The following TRPM3 variants were observed in gnomAD, a reference collection of about 807,000 sequenced individuals.
TRPM3 encodes the protein long transient receptor potential channel 3.
A neutral mutation model predicts 181.2 loss-of-function variants in TRPM3; 77 were observed. That is an observed-to-expected ratio of 0.42 (90% CI 0.35 to 0.51). The LOEUF is 0.51. Ranked by LOEUF, TRPM3 falls within the 20% of genes least tolerant of loss-of-function variation. The probability of loss-of-function intolerance (pLI) is 0.01; values close to 1 mark genes in which losing one functional copy is unlikely to be tolerated. For synonymous variants in TRPM3, 745 were observed against 796.4 expected (o/e 0.94, Z 1.09); for missense variants, 1,759 against 2,196.7 (o/e 0.80, Z 3.98).
intron 1 of TRPM3, among the ~76,000 whole-genome samples, chr9:71,149,696 G>A (rs2075623291): frequency 1.3e-5 from 2 of 152,118 alleles, no homozygotes; most frequent in South Asian, 4.1e-4. Flanking sequence ...AAAAAAGCCT[G>A]GGCATAATGT....
intron 7 of TRPM3, among the ~76,000 whole-genome samples, chr9:70,769,033 G>T (rs2079687702): frequency 6.6e-6 from 1 of 152,114 alleles, no homozygotes; most frequent in South Asian, 2.1e-4. Context: ...CCAACAGACT[G>T]CTAATTGGTT....
At chr9:70,563,871 A>T (rs1400977030) in intron 22 of TRPM3, among the ~76,000 whole-genome samples, 1 of 152,236 alleles carries the variant, frequency 6.6e-6, no homozygotes, top group Non-Finnish European at 1.5e-5. Context: ...GTTCCCAGTC[A>T]GCTCACGCAT....
At chr9:70,586,952 T>C (rs943357987) in intron 22 of TRPM3, among the ~76,000 whole-genome samples, 4 of 152,032 alleles carry the variant, frequency 2.6e-5, no homozygotes, top group African/African-American at 9.7e-5. Context: ...AAACAACACT[T>C]TAAATTCAGT....
chr9:71,336,456 CACAA>C (rs578088360), intron 1 of TRPM3, among the ~76,000 whole-genome samples: 10 of 152,078 alleles, frequency 6.6e-5, no homozygotes, highest in Non-Finnish European at 1.2e-4. Flanking sequence ...TAAGAGAGGA[CACAA>C]ACAAATGGAA....
At chr9:71,443,014 T>A (rs2094154430) in intron 1 of TRPM3, among the ~76,000 whole-genome samples, 1 of 152,228 alleles carries the variant, frequency 6.6e-6, no homozygotes, top group Admixed American at 6.5e-5. Context: ...ATCCAGAAAC[T>A]TAATTTGATA....
chr9:71,000,411 T>C (rs1240977392), intron 1 of TRPM3, among the ~76,000 whole-genome samples: 1 of 152,212 alleles, frequency 6.6e-6, no homozygotes, highest in Non-Finnish European at 1.5e-5. Flanking sequence ...GGTTTTCAGA[T>C]CCATGGCCAG....
chr9:70,867,846 T>C (rs10511990), intron 1 of TRPM3, among the ~76,000 whole-genome samples: 25,734 of 152,056 alleles, frequency 0.17, 2,396 homozygotes, highest in Middle Eastern at 0.22. Flanking sequence ...GAGGGCATTT[T>C]GACGTTTAAT....
At chr9:70,954,046 G>T (rs2097036110) in intron 1 of TRPM3, among the ~76,000 whole-genome samples, 1 of 152,154 alleles carries the variant, frequency 6.6e-6, no homozygotes, top group Non-Finnish European at 1.5e-5. Context: ...ACAGAGAGAA[G>T]ACAATGATTT....
chr9:71,144,393 C>A (rs1334121635), intron 1 of TRPM3, among the ~76,000 whole-genome samples: 3 of 152,200 alleles, frequency 2.0e-5, no homozygotes, highest in African/African-American at 4.8e-5. Context: ...TTCCACCACT[C>A]ATCCCTTTCA....
rs536166699 is a variant in TRPM3 at position 71,222,087 on chromosome 9, C to T, written c.183+224566G>A. Among the ~76,000 whole-genome samples the T allele has an allele frequency of 7.9e-5, 12 of 152,266 alleles. No homozygotes were observed. In the South Asian group the frequency reaches 2.3e-3, roughly 29 times the overall value. On this transcript the variant is annotated intron_variant, in intron 1 of 24. Coordinates refer to the TRPM3 transcript ENST00000357533. ...TCAAGATACCTCCCACAGGTTTTGC[C>T]TTTAGGATGTGCTTTCAATATATTA...
intron 1 of TRPM3, among the ~76,000 whole-genome samples, chr9:70,915,289 C>T (rs2133202056): frequency 6.6e-6 from 1 of 151,874 alleles, no homozygotes; most frequent in Non-Finnish European, 1.5e-5. Flanking sequence ...CTAAAAAATG[C>T]ATCAGAGTCT....
intron 1 of TRPM3, among the ~76,000 whole-genome samples, chr9:71,319,241 G>T (rs2088955339): frequency 1.5e-5 from 1 of 67,758 alleles, no homozygotes; most frequent in African/African-American, 3.2e-5. Context: ...CCTAGAAAGA[G>T]GTTAATGACC....
chr9:70,929,959 G>A (rs2096759542), intron 1 of TRPM3, among the ~76,000 whole-genome samples: 1 of 152,162 alleles, frequency 6.6e-6, no homozygotes, highest in South Asian at 2.1e-4. Context: ...AATATGATTG[G>A]TTCTTCACAA....
intron 1 of TRPM3, among the ~76,000 whole-genome samples, chr9:71,136,970 G>A (rs187939067): frequency 6.6e-6 from 1 of 152,180 alleles, no homozygotes; most frequent in South Asian, 2.1e-4. Context: ...AGGTTTTTAA[G>A]TGTGCAGTAA....
chr9:70,876,094 T>C (rs1326308524), intron 1 of TRPM3, among the ~76,000 whole-genome samples: 1 of 151,802 alleles, frequency 6.6e-6, no homozygotes, highest in Non-Finnish European at 1.5e-5. Flanking sequence ...TGTTCTAATG[T>C]GACCATTTTA....
At chr9:71,405,280 C>T (rs565101532) in intron 1 of TRPM3, among the ~76,000 whole-genome samples, 2 of 152,166 alleles carry the variant, frequency 1.3e-5, no homozygotes, top group South Asian at 2.1e-4. Flanking sequence ...CCTATACATA[C>T]AGCAAAGTGC....
chr9:71,148,029 C>CT (rs1371172400), intron 1 of TRPM3, among the ~76,000 whole-genome samples: 1 of 151,894 alleles, frequency 6.6e-6, no homozygotes, highest in African/African-American at 2.4e-5. Context: ...TCATGGTACT[C>CT]TATCTAGTTT....
chr9:70,955,311 G>A (rs188583803), intron 1 of TRPM3, among the ~76,000 whole-genome samples: 1 of 152,274 alleles, frequency 6.6e-6, no homozygotes, highest in Admixed American at 6.5e-5. Flanking sequence ...ATTACAGAAA[G>A]ACTGAAGGCT....
intron 1 of TRPM3, among the ~76,000 whole-genome samples, chr9:71,163,716 C>T (rs2076387247): frequency 1.3e-5 from 2 of 152,024 alleles, no homozygotes. Flanking sequence ...ACCAGAAGAT[C>T]AAAGACTGAG....
Sources: gnomAD v4.1 joint callset for allele counts (sites outside exome capture counted in the v4.1 genomes callset) on GRCh38, gnomAD v4.1.1 for gene constraint, MANE v1.5 for transcripts, NCBI Gene and HGNC (gene_info 2026-07-23, HGNC 2026-07-21) for gene names.